HEMK2: variants seen among roughly 807,000 people sequenced by gnomAD.
HEMK2 encodes HemK methyltransferase 2, ETF1 glutamine and histone H4 lysine, also known as methyltransferase HEMK2.
chr21:28,754,208 G>A, the HEMK2 span, among the ~76,000 whole-genome samples: 2 of 152,228 alleles, frequency 1.3e-5, no homozygotes, highest in Non-Finnish European at 2.9e-5. Flanking sequence ...TTCCCCGAGT[G>A]AAGAGAAGAA....
the HEMK2 span, chr21:28,873,511 T>C: frequency 6.6e-6 from 1 of 152,348 alleles, no homozygotes; most frequent in East Asian, 1.9e-4. Flanking sequence ...GTCATGGTAC[T>C]TACCTGGTGG....
At chr21:28,723,511 CAG>C in the HEMK2 span, among the ~76,000 whole-genome samples, 4 of 152,254 alleles carry the variant, frequency 2.6e-5, no homozygotes, top group Middle Eastern at 3.4e-3. Context: ...TGGCATATCA[CAG>C]AGTTTCCAAG....
At chr21:28,617,859 G>T in the HEMK2 span, among the ~76,000 whole-genome samples, 5 of 151,218 alleles carry the variant, frequency 3.3e-5, no homozygotes, top group African/African-American at 7.3e-5. Context: ...CATGATCATG[G>T]CTTACTGCAG....
chr21:28,783,751 T>G, the HEMK2 span, among the ~76,000 whole-genome samples: 1 of 151,912 alleles, frequency 6.6e-6, no homozygotes, highest in Non-Finnish European at 1.5e-5. Flanking sequence ...TGGGGAGGTG[T>G]AGAGGGAGCA....
At chr21:28,763,622 CAGA>C in the HEMK2 span, among the ~76,000 whole-genome samples, 1 of 152,060 alleles carries the variant, frequency 6.6e-6, no homozygotes, top group Non-Finnish European at 1.5e-5. Flanking sequence ...GCAGTCTTAT[CAGA>C]AGAATGAGGA....
the HEMK2 span, among the ~76,000 whole-genome samples, chr21:28,680,716 C>CT: frequency 2.2e-4 from 34 of 152,310 alleles, no homozygotes; most frequent in East Asian, 5.4e-3. Context: ...ATCAAGAGGG[C>CT]TTCATCCCTG....
chr21:28,851,419 C>G, the HEMK2 span, among the ~76,000 whole-genome samples: 1 of 152,290 alleles, frequency 6.6e-6, no homozygotes, highest in East Asian at 1.9e-4. Context: ...CTGGATAAAT[C>G]GGCCAGAGTA....
the HEMK2 span, among the ~76,000 whole-genome samples, chr21:28,720,001 T>A: frequency 6.6e-6 from 1 of 152,336 alleles, no homozygotes; most frequent in South Asian, 2.1e-4. Flanking sequence ...AGTGTCCTTT[T>A]AACTGTCTAT....
chr21:28,626,516 T>C, the HEMK2 span: 1 of 152,194 alleles, frequency 6.6e-6, no homozygotes, highest in East Asian at 1.9e-4. Context: ...TAAAGAACTC[T>C]TACAAGTCAA....
At chr21:28,721,987 T>C in the HEMK2 span, among the ~76,000 whole-genome samples, 10,405 of 151,518 alleles carry the variant, frequency 0.069, 449 homozygotes, top group Middle Eastern at 0.14. Context: ...AAATTACTTA[T>C]CAGTAAATAG....
At chr21:28,730,591 CT>C in the HEMK2 span, among the ~76,000 whole-genome samples, 1 of 152,080 alleles carries the variant, frequency 6.6e-6, no homozygotes, top group African/African-American at 2.4e-5. Context: ...GAATTAGTTC[CT>C]CACAGGCTAT....
the HEMK2 span, among the ~76,000 whole-genome samples, chr21:28,811,817 G>A: frequency 7.2e-5 from 11 of 152,204 alleles, no homozygotes; most frequent in Non-Finnish European, 1.3e-4. Context: ...GTAAGATGGA[G>A]CTTGAAAAGT....
chr21:28,837,823 T>C, the HEMK2 span, among the ~76,000 whole-genome samples: 2 of 151,356 alleles, frequency 1.3e-5, no homozygotes, highest in Admixed American at 6.6e-5. Flanking sequence ...AGAAAGAAAA[T>C]CCAAATAACC....
the HEMK2 span, among the ~76,000 whole-genome samples, chr21:28,611,077 C>T: frequency 6.6e-6 from 1 of 152,138 alleles, no homozygotes; most frequent in Non-Finnish European, 1.5e-5. Flanking sequence ...GAACATTCTA[C>T]CCAACAACTG....
At chr21:28,813,849 G>A in the HEMK2 span, among the ~76,000 whole-genome samples, 1 of 152,176 alleles carries the variant, frequency 6.6e-6, no homozygotes, top group South Asian at 2.1e-4. Flanking sequence ...TTTAACAAAG[G>A]GTGTTCAGAA....
chr21:28,665,454 C>T, the HEMK2 span, among the ~76,000 whole-genome samples: 8 of 59,078 alleles, frequency 1.4e-4, no homozygotes, highest in Admixed American at 3.2e-4. Context: ...GTGGTGGGGT[C>T]GGGGGAGGGG....
the HEMK2 span, among the ~76,000 whole-genome samples, chr21:28,770,262 T>G: frequency 6.6e-6 from 1 of 152,072 alleles, no homozygotes; most frequent in African/African-American, 2.4e-5. Context: ...GTGTTAAGAG[T>G]TGGTAGGAAG....
the HEMK2 span, among the ~76,000 whole-genome samples, chr21:28,604,237 G>A: frequency 6.6e-6 from 1 of 152,134 alleles, no homozygotes; most frequent in Non-Finnish European, 1.5e-5. Context: ...TTAAGGTGGG[G>A]AACGTCACAC....
the HEMK2 span, among the ~76,000 whole-genome samples, chr21:28,738,453 G>T: frequency 6.6e-6 from 1 of 152,202 alleles, no homozygotes; most frequent in South Asian, 2.1e-4. Context: ...GGGCAAGGAA[G>T]GGGGAAAGGG....
Sources: gnomAD v4.1 joint callset for allele counts (sites outside exome capture counted in the v4.1 genomes callset) on GRCh38, gnomAD v4.1.1 for gene constraint, MANE v1.5 for transcripts, NCBI Gene and HGNC (gene_info 2026-07-23, HGNC 2026-07-21) for gene names.